The following PDE1C variants were observed in gnomAD, a reference collection of about 807,000 sequenced individuals.
The protein encoded by PDE1C is dual specificity calcium/calmodulin-dependent 3',5'-cyclic nucleotide phosphodiesterase 1C.
A neutral mutation model predicts 93.1 loss-of-function variants in PDE1C; 62 were observed. That is an observed-to-expected ratio of 0.67 (90% confidence interval 0.54 to 0.82). The LOEUF is 0.82. Among genes scored for constraint, PDE1C ranks in the 40% least tolerant of loss-of-function variants. The pLI is 0.00. For synonymous variants in PDE1C, 325 were observed against 310.1 expected (o/e 1.05, Z -0.50); for missense variants, 742 against 884.6 (o/e 0.84, Z 2.04).
intron 2 of PDE1C, among the ~76,000 whole-genome samples, chr7:31,926,038 C>T (rs777956289): frequency 2.6e-5 from 4 of 152,052 alleles, no homozygotes; most frequent in Non-Finnish European, 4.4e-5. Flanking sequence ...ACAGGTATAC[C>T]TGTGATCATA....
chr7:32,112,348 G>A (rs1004253392), intron 3 of PDE1C, among the ~76,000 whole-genome samples: 6 of 151,488 alleles, frequency 4.0e-5, no homozygotes, highest in Non-Finnish European at 7.4e-5. Context: ...TTATGTGAAC[G>A]ATAAATGATC....
intron 2 of PDE1C, among the ~76,000 whole-genome samples, chr7:31,991,290 G>T (rs1319988862): frequency 6.6e-6 from 1 of 152,164 alleles, no homozygotes; most frequent in African/African-American, 2.4e-5. Context: ...CAAATTCAGA[G>T]CTCTGGTTCT....
At chr7:32,077,443 T>C (rs913102935) in intron 3 of PDE1C, among the ~76,000 whole-genome samples, 7 of 152,206 alleles carry the variant, frequency 4.6e-5, no homozygotes, top group African/African-American at 1.4e-4. Flanking sequence ...TAAATAGATA[T>C]ACCGATAATT....
At chr7:31,770,147 T>G (rs535462362) in intron 17 of PDE1C, among the ~76,000 whole-genome samples, 14 of 152,346 alleles carry the variant, frequency 9.2e-5, no homozygotes, top group Non-Finnish European at 1.9e-4. Flanking sequence ...TGATTTGTAT[T>G]TCCTTAATGA....
chr7:32,165,744 C>T (rs924028070), intron 3 of PDE1C, among the ~76,000 whole-genome samples: 1 of 152,138 alleles, frequency 6.6e-6, no homozygotes, highest in Non-Finnish European at 1.5e-5. Context: ...GACACAGACC[C>T]AAACCATATC....
the PDE1C span, among the ~76,000 whole-genome samples, chr7:31,700,700 CTT>C: frequency 6.6e-6 from 1 of 152,122 alleles, no homozygotes; most frequent in Non-Finnish European, 1.5e-5. Flanking sequence ...GGCCAACTCT[CTT>C]GTTAGGGGAT....
At position 32,025,267 on chromosome 7, in the gene PDE1C, C is replaced by T. The variant is rs577676406; in HGVS notation, c.128+26287G>A. On this transcript the variant is annotated intron_variant, in intron 2 of 17. Coordinates refer to ENST00000396191, the MANE Select transcript of PDE1C (RefSeq NM_001191057.4). ...TTACATTAATTTGTTTGGCAGGCTC[C>T]AAAAAGGCAGTACAAGCGAGAGGTC... Among the ~76,000 whole-genome samples the T allele has an allele frequency of 3.9e-5, 6 of 152,094 alleles. No individual in the cohort carries two copies. In the East Asian group the frequency reaches 7.8e-4, roughly 20 times the overall value.
chr7:32,267,417 A>T (rs1194945534), intron 1 of PDE1C, among the ~76,000 whole-genome samples: 1 of 152,148 alleles, frequency 6.6e-6, no homozygotes, highest in Non-Finnish European at 1.5e-5. Context: ...GAGTGAAAAG[A>T]GGGGGCACGT....
At position 31,837,890 on chromosome 7, in the gene PDE1C, A is replaced by G. The variant is rs764669407; in HGVS notation, c.1062T>C (p.Thr354=). Residue 354 remains threonine, a synonymous_variant, in exon 10 of 18, where the codon ACT becomes ACC. Transcript: ENST00000396191. ...CTTACGCTTCTGGCTGCTGCAGAGC[A>G]GTCTTCATTGCTTTGATTTGTTGGA... ...CHFQQIKAMK[T]ALQQPEAIEK... is the part of the protein sequence containing the mutation. The G allele has an allele frequency of 8.1e-6, 13 of 1,612,932 alleles. No individual in the cohort carries two copies. Among genetic ancestry groups the G allele is most frequent in the Non-Finnish European group, 1.0e-5 (12 of 1,178,918 alleles).
At chr7:32,417,667 T>G (rs1785302512) in intron 1 of PDE1C, among the ~76,000 whole-genome samples, 1 of 130,958 alleles carries the variant, frequency 7.6e-6, no homozygotes, top group African/African-American at 3.5e-5. Context: ...AATCCCAATT[T>G]AGTAAAAAAA....
chr7:31,882,104 T>G (rs1797328186), intron 2 of PDE1C, among the ~76,000 whole-genome samples: 1 of 152,228 alleles, frequency 6.6e-6, no homozygotes, highest in African/African-American at 2.4e-5. Context: ...TGGATCAACC[T>G]TAAAAAGTAA....
At position 32,078,076 on chromosome 7, in the gene PDE1C, G is replaced by A. The variant is rs183395685; in HGVS notation, c.308+91709C>T. ...TAATGAAATTGAAATTTTTGTTCAC[G>A]TAAAACTGCTGATGCTACAAGTCAG... On this transcript the variant is annotated intron_variant, in intron 3 of 18. Transcript: ENST00000396193. The A allele has an allele frequency of 1.2e-4, 111 of 963,336 alleles. 1 individual carries two copies. The African/African-American group carries it at 1.8e-3, about 15-fold the overall frequency. 59.7% of individuals were successfully genotyped at this position (963,336 alleles called of 1,614,324 possible). A position where few individuals can be genotyped will look rare whatever the true frequency, so the allele number is the denominator to read the frequency against.
intron 2 of PDE1C, among the ~76,000 whole-genome samples, chr7:31,920,552 CTTTTT>C (rs375309247): frequency 6.6e-6 from 1 of 150,974 alleles, no homozygotes. Context: ...CTTGTTAAGT[CTTTTT>C]TTTATCACCA....
intron 17 of PDE1C, among the ~76,000 whole-genome samples, chr7:31,754,246 C>T (rs1794305536): frequency 6.6e-6 from 1 of 152,174 alleles, no homozygotes; most frequent in African/African-American, 2.4e-5. Flanking sequence ...CAATTGCTGG[C>T]AAGGATGTAA....
intron 2 of PDE1C, among the ~76,000 whole-genome samples, chr7:32,003,758 T>C (rs1785786742): frequency 6.6e-6 from 1 of 152,236 alleles, no homozygotes; most frequent in Non-Finnish European, 1.5e-5. Context: ...TTCTAGGAAC[T>C]GTGTAATGAG....
intron 2 of PDE1C, among the ~76,000 whole-genome samples, chr7:31,915,036 G>A (rs1016191): frequency 6.6e-6 from 1 of 151,984 alleles, no homozygotes; most frequent in East Asian, 1.9e-4. Context: ...TGTAAAGCAG[G>A]TATGCAATGA....
chr7:31,887,065 A>G (rs551785619), intron 2 of PDE1C, among the ~76,000 whole-genome samples: 1 of 152,158 alleles, frequency 6.6e-6, no homozygotes, highest in Non-Finnish European at 1.5e-5. Flanking sequence ...TGAGTAGAGG[A>G]GCACACATAG....
At chr7:32,223,741 GC>G (rs1807050539) in intron 1 of PDE1C, among the ~76,000 whole-genome samples, 1 of 152,156 alleles carries the variant, frequency 6.6e-6, no homozygotes, top group East Asian at 1.9e-4. Flanking sequence ...CCTGGCACAA[GC>G]CCCCCTCATC....
At chr7:31,630,946 A>G in the PDE1C span, among the ~76,000 whole-genome samples, 1 of 152,192 alleles carries the variant, frequency 6.6e-6, no homozygotes, top group Non-Finnish European at 1.5e-5. Flanking sequence ...TGAGAGGTAG[A>G]AACAGTCTTT....
Sources: allele counts gnomAD v4.1 joint callset (sites outside exome capture counted in the v4.1 genomes callset), GRCh38; gene constraint gnomAD v4.1.1; transcripts MANE v1.5; gene names NCBI Gene and HGNC (gene_info 2026-07-23, HGNC 2026-07-21).